The following USP32 variants were observed in gnomAD, a reference collection of about 807,000 sequenced individuals.
USP32 encodes ubiquitin carboxyl-terminal hydrolase 32.
USP32 carries 59 observed loss-of-function variants against 204.8 expected under a neutral mutation model. The observed-to-expected ratio is 0.29, with a 90% confidence interval of 0.23 to 0.36. The LOEUF (loss-of-function observed/expected upper bound fraction) is 0.36. Among genes scored for constraint, USP32 ranks in the 10% least tolerant of loss-of-function variants. The pLI is 1.00. For missense variants in USP32, 1,160 were observed against 1,946.4 expected, an observed-to-expected ratio of 0.60 and a Z score of 7.60; for synonymous variants, 517 against 678.4, an observed-to-expected ratio of 0.76 and a Z score of 3.70.
chr17:60,219,561 C>CTTTTTTTTTTTTTTTTTTTTTTTTT (rs751193414), intron 16 of USP32, 109 bp downstream of exon 16: 1 of 648,090 alleles, frequency 1.5e-6, no homozygotes, highest in African/African-American at 4.4e-5. Context: ...TAGTTTTCAC[C>CTTTTTTTTTTTTTTTTTTTTTTTTT]TTTTTTTTTT....
chr17:60,256,783 C>A, intron 9 of USP32: 1 of 1,182,920 alleles, frequency 8.5e-7, no homozygotes, highest in Admixed American at 3.4e-5. Flanking sequence ...ATACAAAAAA[C>A]TGGTGAAGAG....
chr17:60,308,171 G>T (rs1340445216), intron 2 of USP32, among the ~76,000 whole-genome samples: 1 of 152,170 alleles, frequency 6.6e-6, no homozygotes, highest in Non-Finnish European at 1.5e-5. Flanking sequence ...GGTACATCAA[G>T]GCAAGAATCC....
At chr17:60,350,758 A>G (rs192668696) in intron 1 of USP32, among the ~76,000 whole-genome samples, 16 of 152,326 alleles carry the variant, frequency 1.1e-4, no homozygotes, top group Admixed American at 4.6e-4. Context: ...TAAACTCACA[A>G]GGACAGAGGG....
intron 5 of USP32, among the ~76,000 whole-genome samples, chr17:60,284,010 G>C (rs570035075): frequency 6.6e-6 from 1 of 152,020 alleles, no homozygotes; most frequent in Non-Finnish European, 1.5e-5. Flanking sequence ...AAGAATATTA[G>C]GAAACTACAA....
chr17:60,387,298 A>G (rs1490595617), intron 1 of USP32, among the ~76,000 whole-genome samples: 1 of 152,236 alleles, frequency 6.6e-6, no homozygotes, highest in Non-Finnish European at 1.5e-5. Context: ...AAGCAAAATG[A>G]AAAGTACTGA....
At chr17:60,408,520 G>C (rs1316566318) in intron 1 of USP32, among the ~76,000 whole-genome samples, 1 of 151,994 alleles carries the variant, frequency 6.6e-6, no homozygotes, top group Non-Finnish European at 1.5e-5. Context: ...TGGGATTATA[G>C]GTGCATGCCA....
At chr17:60,402,107 A>T (rs758763551) in intron 1 of USP32, among the ~76,000 whole-genome samples, 12 of 152,174 alleles carry the variant, frequency 7.9e-5, no homozygotes, top group Non-Finnish European at 1.5e-4. Context: ...CACTGTGTGC[A>T]TGTATTAGCT....
intron 2 of USP32, among the ~76,000 whole-genome samples, chr17:60,326,701 T>TAGATTCCCTTAGAGAATCACCAAA (rs2088247727): frequency 6.6e-6 from 1 of 152,224 alleles, no homozygotes; most frequent in African/African-American, 2.4e-5. Flanking sequence ...TTCTTTCTTT[T>TAGATTCCCTTAGAGAATCACCAAA]AGATTCCCTT....
chr17:60,262,529 G>T (rs2086479250), intron 9 of USP32, among the ~76,000 whole-genome samples: 2 of 152,050 alleles, frequency 1.3e-5, no homozygotes, highest in Admixed American at 1.3e-4. Flanking sequence ...GTTTAAATGT[G>T]GCCCTGATTT....
intron 29 of USP32, among the ~76,000 whole-genome samples, chr17:60,186,909 G>A (rs1387106841): frequency 6.6e-6 from 1 of 152,114 alleles, no homozygotes; most frequent in African/African-American, 2.4e-5. Flanking sequence ...GGGAAGGTGG[G>A]TGAAGCATCA....
chr17:60,273,445 A>C (rs1295274709), intron 5 of USP32, among the ~76,000 whole-genome samples: 1 of 152,204 alleles, frequency 6.6e-6, no homozygotes, highest in Non-Finnish European at 1.5e-5. Context: ...TCTAGAGTAA[A>C]GGCTACTCTA....
intron 12 of USP32, among the ~76,000 whole-genome samples, chr17:60,230,250 C>G (rs1223233307): frequency 1.3e-5 from 2 of 152,132 alleles, no homozygotes; most frequent in Non-Finnish European, 2.9e-5. Flanking sequence ...GGAATTGTAT[C>G]TTAAATGTTT....
chr17:60,345,395 C>A (rs2088761320), intron 2 of USP32, 86 bp downstream of exon 2: 1 of 1,535,168 alleles, frequency 6.5e-7, no homozygotes, highest in Non-Finnish European at 8.8e-7. Context: ...AAGATTAAAT[C>A]TGTTAAGAGC....
chr17:60,178,065 T>A lies in USP32; in HGVS notation c.*1190A>T, dbSNP rs1170464931. On this transcript the variant is annotated 3_prime_UTR_variant, in exon 34 of 34. Transcript: ENST00000300896. ...GCAAAGAAACATAACTTTCGATGAC[T>A]ACTGTAAAATTTAAAAAAAAGACAA... is the stretch of plus-strand genomic sequence containing the variant. Among the ~76,000 whole-genome samples, 1 of 152,100 alleles carries A rather than the reference T, an allele frequency of 6.6e-6. No homozygotes were observed. Among genetic ancestry groups the A allele is most frequent in the African/African-American group, 2.4e-5 (1 of 41,376 alleles).
At chr17:60,346,462 C>A (rs931075890) in intron 1 of USP32, among the ~76,000 whole-genome samples, 1 of 152,108 alleles carries the variant, frequency 6.6e-6, no homozygotes, top group Non-Finnish European at 1.5e-5. Context: ...ATATGGAGAA[C>A]AGTCTTCAAG....
intron 1 of USP32, among the ~76,000 whole-genome samples, chr17:60,402,903 A>C (rs1228896657): frequency 6.6e-6 from 1 of 152,158 alleles, no homozygotes; most frequent in Non-Finnish European, 1.5e-5. Flanking sequence ...TCATAAAAAC[A>C]GCCCACTGTG....
chr17:60,282,410 G>A (rs1224181036), intron 5 of USP32, among the ~76,000 whole-genome samples: 1 of 152,106 alleles, frequency 6.6e-6, no homozygotes, highest in Non-Finnish European at 1.5e-5. Context: ...CTGGAGTGCA[G>A]TGGTGCAATC....
chr17:60,190,458 T>C (rs2084352025), intron 29 of USP32, 105 bp downstream of exon 29: 2 of 1,417,804 alleles, frequency 1.4e-6, no homozygotes, highest in Non-Finnish European at 9.3e-7. Context: ...ATGAAGGTTT[T>C]TCTGGTTGTT....
chr17:60,353,246 G>T (rs1350757760), intron 1 of USP32, among the ~76,000 whole-genome samples: 1 of 152,120 alleles, frequency 6.6e-6, no homozygotes, highest in Non-Finnish European at 1.5e-5. Context: ...TGGATGCAAC[G>T]AGCAGGAAAG....
Sources: gnomAD v4.1 joint callset for allele counts (sites outside exome capture counted in the v4.1 genomes callset) on GRCh38, gnomAD v4.1.1 for gene constraint, MANE v1.5 for transcripts, NCBI Gene and HGNC (gene_info 2026-07-23, HGNC 2026-07-21) for gene names.